Variants in TASP1 observed in about 807,000 individuals in gnomAD.
TASP1 encodes threonine aspartase 1.
Under a neutral mutation model 56.6 loss-of-function variants are expected in TASP1, and 16 were observed. The ratio of observed to expected loss-of-function variants is 0.28; its 90% CI spans 0.19 to 0.43. The LOEUF (loss-of-function observed/expected upper bound fraction) is 0.43, where lower values mean the gene tolerates loss of function less well. TASP1 is among the 20% of genes least tolerant of loss of function. TASP1 has a pLI of 1.00. For synonymous variants in TASP1, 179 were observed against 184.2 expected, an observed-to-expected ratio of 0.97 and a Z score of 0.23; for missense variants, 393 against 511.6, an observed-to-expected ratio of 0.77 and a Z score of 2.24.
intron 4 of TASP1, among the ~76,000 whole-genome samples, chr20:13,591,855 A>C (rs1174821564): frequency 6.6e-6 from 1 of 152,188 alleles, no homozygotes; most frequent in East Asian, 1.9e-4. Flanking sequence ...GACATTATAC[A>C]TGAAGGCCTA....
chr20:13,177,043 C>T, the TASP1 span, among the ~76,000 whole-genome samples: 5 of 151,940 alleles, frequency 3.3e-5, no homozygotes, highest in African/African-American at 1.2e-4. Flanking sequence ...AATTTGAGAC[C>T]AGGCTGGCCA....
At chr20:13,558,944 G>A (rs1441577788) in intron 8 of TASP1, 64 bp downstream of exon 8, 22 of 1,039,906 alleles carry the variant, frequency 2.1e-5, no homozygotes, top group Non-Finnish European at 2.8e-5. Context: ...CCTAAAGCTT[G>A]TATCTAAATG....
At chr20:13,206,641 T>C in the TASP1 span, among the ~76,000 whole-genome samples, 1 of 152,174 alleles carries the variant, frequency 6.6e-6, no homozygotes, top group Non-Finnish European at 1.5e-5. Context: ...GCTGCCATTT[T>C]CTAGAACTCT....
the TASP1 span, among the ~76,000 whole-genome samples, chr20:13,331,557 G>A: frequency 6.6e-6 from 1 of 152,088 alleles, no homozygotes; most frequent in Non-Finnish European, 1.5e-5. Flanking sequence ...TGGAGAAGGA[G>A]AATCACCTCT....
the TASP1 span, among the ~76,000 whole-genome samples, chr20:13,210,247 T>G: frequency 1.3e-5 from 2 of 152,176 alleles, no homozygotes; most frequent in Admixed American, 6.6e-5. Context: ...GTTTATCCAT[T>G]CTAAAATTGA....
chr20:13,174,940 G>A, the TASP1 span, among the ~76,000 whole-genome samples: 9 of 152,204 alleles, frequency 5.9e-5, no homozygotes, highest in African/African-American at 1.9e-4. Context: ...TAAGTCTCAC[G>A]AGATCTAATG....
intron 8 of TASP1, among the ~76,000 whole-genome samples, chr20:13,554,262 G>T (rs1323083827): frequency 4.6e-5 from 7 of 152,156 alleles, no homozygotes; most frequent in Admixed American, 4.6e-4. Flanking sequence ...GTGGCTACGG[G>T]CCAGAGAGCA....
At chr20:13,213,726 C>T in the TASP1 span, among the ~76,000 whole-genome samples, 6 of 152,136 alleles carry the variant, frequency 3.9e-5, 1 homozygote, top group South Asian at 4.1e-4. Flanking sequence ...TTAGCATCTC[C>T]GTATCTTGAA....
At chr20:13,120,529 T>C in the TASP1 span, among the ~76,000 whole-genome samples, 1 of 152,182 alleles carries the variant, frequency 6.6e-6, no homozygotes, top group South Asian at 2.1e-4. Context: ...TTAACTCTCT[T>C]TTTAAGTGAT....
intron 1 of TASP1, among the ~76,000 whole-genome samples, chr20:13,634,592 C>A (rs565700473): frequency 6.6e-6 from 1 of 151,614 alleles, no homozygotes; most frequent in African/African-American, 2.4e-5. Context: ...TAGCTGGGTG[C>A]GGTGGCGAGC....
chr20:13,430,811 G>A (rs1299739907), intron 12 of TASP1, among the ~76,000 whole-genome samples: 2 of 152,156 alleles, frequency 1.3e-5, no homozygotes, highest in African/African-American at 4.8e-5. Flanking sequence ...GAGATTCTCC[G>A]ATTCTATTCA....
intron 13 of TASP1, among the ~76,000 whole-genome samples, chr20:13,406,964 C>T (rs1462365835): frequency 6.6e-6 from 1 of 152,108 alleles, no homozygotes; most frequent in Non-Finnish European, 1.5e-5. Context: ...CCGTGCCCGG[C>T]TATTTTGAGG....
intron 10 of TASP1, among the ~76,000 whole-genome samples, chr20:13,504,499 T>A (rs1290633202): frequency 1.3e-5 from 2 of 152,126 alleles, no homozygotes; most frequent in Admixed American, 1.3e-4. Flanking sequence ...AGGATGCTAT[T>A]TAGTAACATG....
intron 1 of TASP1, among the ~76,000 whole-genome samples, chr20:13,635,930 T>A (rs908519073): frequency 6.6e-6 from 1 of 152,212 alleles, no homozygotes; most frequent in African/African-American, 2.4e-5. Context: ...CTGTATGTGA[T>A]GACACTGTTT....
At chr20:13,412,173 T>G (rs1489414673) in intron 13 of TASP1, among the ~76,000 whole-genome samples, 2 of 152,080 alleles carry the variant, frequency 1.3e-5, no homozygotes, top group African/African-American at 4.8e-5. Flanking sequence ...AAACTGGCGG[T>G]GGGTATAAGC....
chr20:13,521,417 A>G, intron 10 of TASP1, among the ~76,000 whole-genome samples: 1 of 151,768 alleles, frequency 6.6e-6, no homozygotes, highest in Non-Finnish European at 1.5e-5. Context: ...AATGTGGCAC[A>G]TATACACCAT....
intron 11 of TASP1, among the ~76,000 whole-genome samples, chr20:13,445,379 A>G (rs1310539863): frequency 6.6e-6 from 1 of 152,212 alleles, no homozygotes; most frequent in Non-Finnish European, 1.5e-5. Flanking sequence ...TTGAGAAGAA[A>G]AAAACAACAT....
chr20:13,585,239 G>C (rs543700923), intron 5 of TASP1, among the ~76,000 whole-genome samples: 1 of 152,240 alleles, frequency 6.6e-6, no homozygotes, highest in Non-Finnish European at 1.5e-5. Context: ...AAACATGATG[G>C]ATAAAAACAA....
chr20:13,463,068 T>A (rs1047827977), intron 11 of TASP1, among the ~76,000 whole-genome samples: 1 of 151,842 alleles, frequency 6.6e-6, no homozygotes, highest in African/African-American at 2.4e-5. Context: ...ACCAAAACTA[T>A]CCTAAAAAAG....
Sources: gnomAD v4.1 joint callset for allele counts (sites outside exome capture counted in the v4.1 genomes callset) on GRCh38, gnomAD v4.1.1 for gene constraint, MANE v1.5 for transcripts, NCBI Gene and HGNC (gene_info 2026-07-23, HGNC 2026-07-21) for gene names.